Variants in WDR64 observed in about 807,000 individuals in gnomAD.
WDR64 encodes the protein WD repeat-containing protein 64.
WDR64 carries 112 observed loss-of-function variants against 139.3 expected under a neutral mutation model. The ratio of observed to expected loss-of-function variants is 0.80; its 90% CI spans 0.69 to 0.94. The LOEUF is 0.94. Ranked by LOEUF, WDR64 falls within the 40% of genes least tolerant of loss-of-function variation. WDR64 has a pLI of 0.00. For missense variants in WDR64, 1,206 were observed against 1,293.1 expected, an observed-to-expected ratio of 0.93 and a Z score of 1.03; for synonymous variants, 444 against 437.7, an observed-to-expected ratio of 1.01 and a Z score of -0.18.
In WDR64 at chr1:241,683,535, T is replaced by C. The variant is rs762396165; in HGVS notation, c.673T>C (p.Cys225Arg). 1 of 1,551,856 alleles carries C rather than the reference T, an allele frequency of 6.4e-7. No homozygotes were observed. Among genetic ancestry groups the C allele is most frequent in the Admixed American group, 2.0e-5 (1 of 50,990 alleles). ...KPMDHCLLCV[C>R]VVPLPDHLCR... ...AATGGATCACTGCCTCCTGTGTGTG[T>C]GTGTGGTGCCTTTGCCTGACCATCT... Residue 225 changes from cysteine (C) to arginine (R), a missense_variant, in exon 7 of 28, where the codon TGT (cysteine) becomes CGT (arginine). Coordinates refer to ENST00000437684, the MANE Select transcript of WDR64 (RefSeq NM_001367482.1).
At chr1:241,667,877 T>G (rs547657671) in intron 2 of WDR64, among the ~76,000 whole-genome samples, 1 of 152,232 alleles carries the variant, frequency 6.6e-6, no homozygotes, top group East Asian at 1.9e-4. Flanking sequence ...TTGCTACTGT[T>G]GTAATTTGTT....
rs1666899111 is a variant in WDR64, at chr1:241,683,580, T to C, written c.718T>C (p.Leu240=). Residue 240 remains leucine, a synonymous_variant, in exon 7 of 28, where the codon TTG becomes CTG. Transcript: ENST00000437684. ...PDHLCRDDIL[L]GDDGGFVNRF... is the part of the protein sequence containing the mutation. Reference sequence around the variant, plus strand: ...CCATCTCTGCCGAGATGACATCCTCTTGGGGGATGATGGGGGTTTTGTGAA... The same window carrying C: ...CCATCTCTGCCGAGATGACATCCTCCTGGGGGATGATGGGGGTTTTGTGAA... 6.4e-7 allele frequency: 1 copy of C among 1,551,586 alleles called. No individual in the cohort carries two copies.
intron 2 of WDR64, among the ~76,000 whole-genome samples, chr1:241,661,049 A>G (rs1665813117): frequency 6.6e-6 from 1 of 152,190 alleles, no homozygotes; most frequent in African/African-American, 2.4e-5. Context: ...GCTACAATTG[A>G]CTACCTGTTA....
In WDR64 at chr1:241,772,772, T is replaced by C. The variant is rs1305850980; in HGVS notation, c.2291-20T>C. On this transcript the variant is annotated intron_variant, in intron 19 of 27. Coordinates refer to ENST00000437684, the MANE Select transcript of WDR64 (RefSeq NM_001367482.1). ...GCCACCACGCCTGGCCTCATGATAG[T>C]TCATTAATTTCTCGAATAGGTGAAC... is the stretch of plus-strand genomic sequence containing the variant. 5 of 1,551,248 alleles carry C rather than the reference T, an allele frequency of 3.2e-6. No individual in the cohort carries two copies. In the South Asian group the frequency reaches 6.0e-5, roughly 18 times the overall value.
chr1:241,705,520 C>T (rs893083644), intron 8 of WDR64, among the ~76,000 whole-genome samples: 9 of 146,330 alleles, frequency 6.2e-5, no homozygotes, highest in East Asian at 2.0e-4. Flanking sequence ...CCAGCCTGGG[C>T]GATAGAGCAA....
intron 1 of WDR64, 49 bp from the exon 2 acceptor site, chr1:241,660,481 G>T (rs576983124): frequency 1.3e-6 from 2 of 1,535,540 alleles, no homozygotes; most frequent in South Asian, 2.4e-5. Context: ...AAATACAAAA[G>T]GTAGTCCTTG....
rs572835118 is a variant in WDR64, at chr1:241,726,120, G to A, written c.1194+2684G>A. Among the ~76,000 whole-genome samples, 146 of 151,808 alleles carry A rather than the reference G, an allele frequency of 9.6e-4. 2 individuals carry two copies. The highest frequency in any genetic ancestry group is 3.5e-3 in the African/African-American group (145 of 41,378). On this transcript the variant is annotated intron_variant, in intron 10 of 27. Coordinates refer to ENST00000437684, the MANE Select transcript of WDR64 (RefSeq NM_001367482.1). ...GAGATGGGGTCTTGCTATGTTGCCC[G>A]AACTTCTGGGCTCAAGTGAGCCTCC...
At chr1:241,751,365 G>T (rs1185494358) in intron 14 of WDR64, among the ~76,000 whole-genome samples, 3 of 152,100 alleles carry the variant, frequency 2.0e-5, no homozygotes, top group African/African-American at 7.2e-5. Context: ...ACTGGAAGGT[G>T]GGCAGGTGGA....
intron 13 of WDR64, among the ~76,000 whole-genome samples, chr1:241,748,439 A>G (rs1669846766): frequency 6.6e-6 from 1 of 152,184 alleles, no homozygotes; most frequent in Non-Finnish European, 1.5e-5. Context: ...GTGTTCTCAC[A>G]TGACAAAGGG....
At chr1:241,778,964 T>C (rs931350360) in intron 21 of WDR64, among the ~76,000 whole-genome samples, 2 of 152,138 alleles carry the variant, frequency 1.3e-5, no homozygotes, top group African/African-American at 4.8e-5. Flanking sequence ...CTTGTCTTCT[T>C]AGTTTCCTTA....
intron 15 of WDR64, 97 bp from the exon 16 acceptor site, chr1:241,766,121 G>A: frequency 8.4e-7 from 1 of 1,184,356 alleles, no homozygotes; most frequent in Non-Finnish European, 1.1e-6. Context: ...AAGGCATTTT[G>A]TTTTAAGTTG....
At chr1:241,675,125 TTCCC>T (rs1558466140) in intron 4 of WDR64, among the ~76,000 whole-genome samples, 24 of 44,888 alleles carry the variant, frequency 5.3e-4, no homozygotes, top group Admixed American at 1.4e-3. Context: ...CCCTCCCTCC[TTCCC>T]TCCTTCCCTC....
intron 8 of WDR64, among the ~76,000 whole-genome samples, chr1:241,699,103 A>AGG (rs1268132629): frequency 6.6e-6 from 1 of 152,172 alleles, no homozygotes; most frequent in Non-Finnish European, 1.5e-5. Flanking sequence ...TATCTCCCAC[A>AGG]GGGTCCCTCC....
intron 15 of WDR64, among the ~76,000 whole-genome samples, chr1:241,763,804 C>T (rs1039817778): frequency 3.3e-5 from 5 of 152,154 alleles, no homozygotes; most frequent in African/African-American, 1.2e-4. Flanking sequence ...TTATTGAATA[C>T]CTGCCACCGT....
At chr1:241,763,047 C>T (rs1045810502) in intron 15 of WDR64, among the ~76,000 whole-genome samples, 26 of 152,090 alleles carry the variant, frequency 1.7e-4, no homozygotes, top group African/African-American at 2.2e-4. Context: ...TGCATGTCCT[C>T]GTAGACCAAT....
intron 12 of WDR64, 39 bp downstream of exon 12, chr1:241,741,703 A>T (rs762476368): frequency 6.5e-7 from 1 of 1,530,306 alleles, no homozygotes; most frequent in Non-Finnish European, 8.7e-7. Flanking sequence ...AAAAAAGGCA[A>T]TGCAGATATA....
At chr1:241,710,083 CAT>C (rs1668101313) in intron 8 of WDR64, among the ~76,000 whole-genome samples, 3 of 151,688 alleles carry the variant, frequency 2.0e-5, no homozygotes. Context: ...AAAAGAAAAA[CAT>C]GTACATACAC....
At chr1:241,679,673 C>G in intron 6 of WDR64, 78 bp downstream of exon 6, 2 of 1,171,322 alleles carry the variant, frequency 1.7e-6, no homozygotes, top group Non-Finnish European at 2.5e-6. Context: ...TCCACTTTCT[C>G]TATTGAACAT....
chr1:241,788,508 C>T (rs1659119059), intron 24 of WDR64, among the ~76,000 whole-genome samples: 2 of 152,142 alleles, frequency 1.3e-5, no homozygotes, highest in Non-Finnish European at 2.9e-5. Flanking sequence ...CCAGACCTGC[C>T]TGGACTGGTT....
Sources: gnomAD v4.1 joint callset for allele counts (sites outside exome capture counted in the v4.1 genomes callset) on GRCh38, gnomAD v4.1.1 for gene constraint, MANE v1.5 for transcripts, NCBI Gene and HGNC (gene_info 2026-07-23, HGNC 2026-07-21) for gene names.